Variants in ZNF100 observed in about 807,000 individuals in gnomAD.
ZNF100 encodes the protein zinc finger protein 100.
Under a neutral mutation model 15.8 loss-of-function variants are expected in ZNF100, and 12 were observed. The ratio of observed to expected loss-of-function variants is 0.76; its 90% CI spans 0.49 to 1.23. The LOEUF is 1.23. ZNF100 is among the 50% of genes most tolerant of loss of function. ZNF100 has a pLI of 0.00. For synonymous variants in ZNF100, 226 were observed against 214.8 expected (o/e 1.05, Z -0.45); for missense variants, 670 against 635.6 (o/e 1.05, Z -0.58).
chr19:21,746,536 G>T (rs953195443), intron 2 of ZNF100, among the ~76,000 whole-genome samples: 1 of 152,076 alleles, frequency 6.6e-6, no homozygotes, highest in African/African-American at 2.4e-5. Context: ...ATCCTTCCAT[G>T]TTCAACAGCC....
At chr19:21,749,075 A>G (rs1259958736) in intron 2 of ZNF100, among the ~76,000 whole-genome samples, 2 of 152,160 alleles carry the variant, frequency 1.3e-5, no homozygotes, top group Non-Finnish European at 2.9e-5. Context: ...TGTTTAATTC[A>G]ACCGTGTATC....
At chr19:21,763,323 G>A (rs958166070) in intron 2 of ZNF100, among the ~76,000 whole-genome samples, 7 of 151,826 alleles carry the variant, frequency 4.6e-5, no homozygotes, top group Non-Finnish European at 5.9e-5. Flanking sequence ...TAAGGCTGGC[G>A]TGGTGGCTCA....
chr19:21,739,182 T>C (rs1039950517), intron 4 of ZNF100, among the ~76,000 whole-genome samples: 1 of 152,194 alleles, frequency 6.6e-6, no homozygotes, highest in Non-Finnish European at 1.5e-5. Context: ...TTAACAGACA[T>C]GTACAAAATT....
Position 21,767,142 on chromosome 19 carries a change from G to A in ZNF100, c.3+285C>T, listed in dbSNP as rs114763030. On this transcript the variant is annotated intron_variant, in intron 1 of 4. Coordinates refer to ENST00000358296, the MANE Select transcript of ZNF100 (RefSeq NM_173531.4). ...GATTTTCCCCTGACGACCCTCCCGT[G>A]GTCCCTGCACAATCTGAGAGAGACG... Among the ~76,000 whole-genome samples, 340 of 152,278 alleles carry A rather than the reference G, an allele frequency of 2.2e-3. 1 individual carries two copies. Among genetic ancestry groups the A allele is most frequent in the African/African-American group, 7.9e-3 (329 of 41,576 alleles).
chr19:21,739,460 G>A (rs1306427510), intron 4 of ZNF100, among the ~76,000 whole-genome samples: 2 of 133,926 alleles, frequency 1.5e-5, no homozygotes, highest in Non-Finnish European at 3.3e-5. Flanking sequence ...GGAGGCTGAG[G>A]TGTAAAGATC....
intron 4 of ZNF100, among the ~76,000 whole-genome samples, chr19:21,735,776 GT>G (rs1326027099): frequency 1.3e-5 from 2 of 152,036 alleles, no homozygotes; most frequent in Non-Finnish European, 2.9e-5. Flanking sequence ...ACCCAGATTT[GT>G]TTTTATTGCT....
intron 4 of ZNF100, 118 bp downstream of exon 4, chr19:21,743,899 C>G: frequency 9.6e-7 from 1 of 1,037,106 alleles, no homozygotes; most frequent in Non-Finnish European, 1.3e-6. Context: ...AACACTCAGG[C>G]ATCCCAGAAA....
At chr19:21,735,408 G>A (rs1177328761) in intron 4 of ZNF100, among the ~76,000 whole-genome samples, 1 of 150,954 alleles carries the variant, frequency 6.6e-6, no homozygotes, top group Non-Finnish European at 1.5e-5. Flanking sequence ...GCAGGAGAAT[G>A]GCATGAACCC....
At position 21,726,543 on chromosome 19, in the gene ZNF100, G is replaced by T; in HGVS notation, c.*140C>A. On this transcript the variant is annotated 3_prime_UTR_variant, in exon 5 of 5. Transcript: ENST00000358296. Reference sequence around the variant, plus strand: ...GGTTTGTAGAATTTCTCTCTAGTATGAATTATCTTATGTCTGTTAGGAATT... The same window carrying T: ...GGTTTGTAGAATTTCTCTCTAGTATTAATTATCTTATGTCTGTTAGGAATT... The T allele has an allele frequency of 1.4e-6, 1 of 725,492 alleles. No individual in the cohort carries two copies. Among genetic ancestry groups the T allele is most frequent in the Non-Finnish European group, 2.1e-6 (1 of 467,862 alleles). 44.9% of individuals were successfully genotyped at this position (725,492 alleles called of 1,614,324 possible). A position where few individuals can be genotyped will look rare whatever the true frequency, so the allele number is the denominator to read the frequency against.
chr19:21,748,691 G>C (rs542080371), intron 2 of ZNF100, among the ~76,000 whole-genome samples: 28 of 151,136 alleles, frequency 1.9e-4, no homozygotes, highest in Admixed American at 1.6e-3. Context: ...AAAAAGAAGT[G>C]GGCAAAGTTT....
chr19:21,727,680 T>C lies in ZNF100; in HGVS notation c.632A>G (p.Glu211Gly), dbSNP rs1464672687. The change falls in exon 5 of 5, where the codon GAA becomes GGA. Residue 211 changes from glutamate to glycine, a missense_variant. Transcript: ENST00000358296. Reference sequence around the variant, plus strand: ...GTGTAAAAGCATGCAAAATGATTTTTCACATTTTTTACATTTGAAAGGTTT... The same window carrying C: ...GTGTAAAAGCATGCAAAATGATTTTCCACATTTTTTACATTTGAAAGGTTT... ...RKKPFKCKKCEKSFCMLLHLT... is the reference protein window; with the variant it reads ...RKKPFKCKKCGKSFCMLLHLT... 7.4e-6 allele frequency: 12 copies of C among 1,612,884 alleles called. No individual in the cohort carries two copies. In the Admixed American group the frequency reaches 1.8e-4, roughly 25 times the overall value.
chr19:21,723,790 CTT>C lies in ZNF100; in HGVS notation c.*2891_*2892del. On this transcript the variant is annotated 3_prime_UTR_variant, in exon 5 of 5. Transcript: ENST00000358296. ...TTTAAATATAAAAACATCCTCACGA[CTT>C]ATAAAGCTTCCCTAGTACTTACCTG... is the stretch of plus-strand genomic sequence containing the variant. 6.6e-6 allele frequency: 1 copy of C among 152,250 alleles called. No homozygotes were observed. Among genetic ancestry groups the C allele is most frequent in the South Asian group, 2.1e-4 (1 of 4,828 alleles). 9.4% of individuals were successfully genotyped at this position (152,250 alleles called of 1,614,324 possible). A position where few individuals can be genotyped will look rare whatever the true frequency, so the allele number is the denominator to read the frequency against.
In ZNF100 at chr19:21,727,440, C is replaced by T. The variant is rs772854789; in HGVS notation, c.872G>A (p.Cys291Tyr). ...IIHTGEKPYR[C>Y]EECGKAFNRS... ...GTTAAAAGCTTTCCCACATTCTTCA[C>T]ATCTGTATGGTTTCTCTCCAGTATG... The change falls in exon 5 of 5, where the codon TGT becomes TAT. Residue 291 changes from cysteine to tyrosine, a missense_variant. By Grantham distance (194) the Cys-to-Tyr change is radical. Coordinates refer to ENST00000358296, the MANE Select transcript of ZNF100 (RefSeq NM_173531.4). 6.2e-6 allele frequency: 10 copies of T among 1,613,098 alleles called. No individual in the cohort carries two copies. The highest frequency in any genetic ancestry group is 8.5e-6 in the Non-Finnish European group (10 of 1,179,690).
chr19:21,757,513 G>A (rs1039577522), intron 2 of ZNF100, among the ~76,000 whole-genome samples: 1 of 152,190 alleles, frequency 6.6e-6, no homozygotes, highest in Non-Finnish European at 1.5e-5. Flanking sequence ...CTGTTGGTGC[G>A]AGTGTAAATT....
At position 21,765,712 on chromosome 19, in the gene ZNF100, C is replaced by T; in HGVS notation, c.78G>A (p.Val26=). 1 of 1,614,056 alleles carries T rather than the reference C, an allele frequency of 6.2e-7. No homozygotes were observed. The highest frequency in any genetic ancestry group is 1.3e-5 in the African/African-American group (1 of 75,044). The part of the protein sequence containing the change: ...GCPGAERSLL[V]QSYFEKGPLT... ...GGGTTACCTTTTCAAAATAAGACTGCACCAGAAGACTCCTCTCAGCCCCAG... is the reference window on the plus strand; with the variant it reads ...GGGTTACCTTTTCAAAATAAGACTGTACCAGAAGACTCCTCTCAGCCCCAG... Residue 26 remains valine (V), a synonymous_variant, in exon 2 of 5, where the codon GTG becomes GTA. Transcript: ENST00000358296.
At position 21,724,475 on chromosome 19, in the gene ZNF100, C is replaced by T. The variant is rs1195544928; in HGVS notation, c.*2208G>A. On this transcript the variant is annotated 3_prime_UTR_variant, in exon 5 of 5. Coordinates refer to ENST00000358296, the MANE Select transcript of ZNF100 (RefSeq NM_173531.4). ...AAAACTTTAAAAATACTTATTCAGG[C>T]CTCAGAAATGTAGGGATTTTATTAT... 4 of 151,990 alleles carry T rather than the reference C, an allele frequency of 2.6e-5. No homozygotes were observed. The highest frequency in any genetic ancestry group is 9.7e-5 in the African/African-American group (4 of 41,398). The allele number at this position is 151,990 out of a possible 1,614,324, so 9.4% of individuals were successfully genotyped here. A position where few individuals can be genotyped will look rare whatever the true frequency, so the allele number is the denominator to read the frequency against.
chr19:21,745,200 T>C (rs1482482168), intron 2 of ZNF100, 133 bp from the exon 3 acceptor site: 6 of 1,381,366 alleles, frequency 4.3e-6, no homozygotes, highest in Non-Finnish European at 5.8e-6. Context: ...AATTTTCCAA[T>C]AATTTTTAAC....
intron 4 of ZNF100, among the ~76,000 whole-genome samples, chr19:21,741,015 G>A (rs1263235469): frequency 6.6e-6 from 1 of 151,886 alleles, no homozygotes; most frequent in Non-Finnish European, 1.5e-5. Flanking sequence ...AGGCAACCCG[G>A]GTGTCTCTTG....
intron 4 of ZNF100, among the ~76,000 whole-genome samples, chr19:21,740,178 A>G (rs1320503184): frequency 6.6e-6 from 1 of 152,226 alleles, no homozygotes; most frequent in African/African-American, 2.4e-5. Context: ...ACCCTTGTGT[A>G]TATGATTAAA....
Sources: allele counts gnomAD v4.1 joint callset (sites outside exome capture counted in the v4.1 genomes callset), GRCh38; gene constraint gnomAD v4.1.1; transcripts MANE v1.5; gene names NCBI Gene and HGNC (gene_info 2026-07-23, HGNC 2026-07-21).